Variants in SPPL3 observed in about 807,000 individuals in gnomAD.
SPPL3 encodes the protein signal peptide peptidase like 3, also known as signal peptide peptidase-like 3.
Under a neutral mutation model 42.4 loss-of-function variants are expected in SPPL3, and 5 were observed. The ratio of observed to expected loss-of-function variants is 0.12; its 90% CI spans 0.06 to 0.25. The LOEUF (loss-of-function observed/expected upper bound fraction) is 0.25. Ranked by LOEUF, SPPL3 falls within the 10% of genes least tolerant of loss-of-function variation. SPPL3 has a pLI of 1.00. For synonymous variants in SPPL3, 195 were observed against 181.8 expected (o/e 1.07, Z -0.58); for missense variants, 235 against 489.0 (o/e 0.48, Z 4.90).
intron 1 of SPPL3, among the ~76,000 whole-genome samples, chr12:120,848,733 G>C (rs1209981393): frequency 6.6e-6 from 1 of 152,092 alleles, no homozygotes; most frequent in Non-Finnish European, 1.5e-5. Context: ...GTTACAAAAG[G>C]AAAGGTTAGA....
intron 1 of SPPL3, among the ~76,000 whole-genome samples, chr12:120,849,366 A>G (rs1013667136): frequency 7.2e-5 from 11 of 152,154 alleles, no homozygotes; most frequent in Admixed American, 2.0e-4. Flanking sequence ...AGTTGTAGCC[A>G]ACTGGCAACA....
chr12:120,845,344 C>T, intron 1 of SPPL3: 1 of 357,614 alleles, frequency 2.8e-6, no homozygotes, highest in East Asian at 7.6e-5. Flanking sequence ...GAACTCCTCG[C>T]AGGCCTCAAT....
chr12:120,879,106 T>A (rs1873200652), intron 1 of SPPL3, among the ~76,000 whole-genome samples: 1 of 92,660 alleles, frequency 1.1e-5, no homozygotes. Context: ...AGAGCAAAAC[T>A]CTGTCTCAAA....
intron 2 of SPPL3, among the ~76,000 whole-genome samples, chr12:120,801,941 A>T (rs1394812646): frequency 6.6e-6 from 1 of 152,192 alleles, no homozygotes; most frequent in Non-Finnish European, 1.5e-5. Flanking sequence ...ATTTCACATG[A>T]AGTTTATTAC....
At chr12:120,810,954 G>A (rs1273514508) in intron 1 of SPPL3, 68 bp from the exon 2 acceptor site, 3 of 1,188,134 alleles carry the variant, frequency 2.5e-6, no homozygotes, top group Admixed American at 1.9e-5. Context: ...ACAGTCTAAT[G>A]GAGTTCTATA....
intron 1 of SPPL3, among the ~76,000 whole-genome samples, chr12:120,880,831 T>C (rs946584783): frequency 2.6e-5 from 4 of 151,556 alleles, no homozygotes; most frequent in Non-Finnish European, 5.9e-5. Context: ...TGATAAGGGA[T>C]TGATATCCAG....
chr12:120,806,852 A>AG (rs1202411316), intron 2 of SPPL3, among the ~76,000 whole-genome samples: 50 of 91,314 alleles, frequency 5.5e-4, no homozygotes, highest in African/African-American at 1.7e-3. Flanking sequence ...ATTAAAAAAA[A>AG]AAAAGAAAGA....
At chr12:120,785,089 A>G (rs1869672254) in intron 3 of SPPL3, among the ~76,000 whole-genome samples, 2 of 152,172 alleles carry the variant, frequency 1.3e-5, no homozygotes, top group African/African-American at 4.8e-5. Context: ...AACAAGTCAT[A>G]GCTGAAAACA....
intron 1 of SPPL3, among the ~76,000 whole-genome samples, chr12:120,871,810 CA>C (rs1872940368): frequency 3.3e-5 from 5 of 152,082 alleles, no homozygotes; most frequent in Admixed American, 2.0e-4. Context: ...CATATCCTTC[CA>C]TATACTTTAA....
chr12:120,812,292 T>C (rs1208838128), intron 1 of SPPL3, among the ~76,000 whole-genome samples: 2 of 151,998 alleles, frequency 1.3e-5, no homozygotes. Flanking sequence ...GCACCACACC[T>C]GGCTAATTTT....
At chr12:120,807,243 A>G (rs746918935) in intron 2 of SPPL3, among the ~76,000 whole-genome samples, 9 of 152,182 alleles carry the variant, frequency 5.9e-5, no homozygotes, top group Admixed American at 3.3e-4. Flanking sequence ...TTACTACTAG[A>G]ATGGCTATAA....
chr12:120,789,956 T>C (rs1234012788), intron 3 of SPPL3, among the ~76,000 whole-genome samples: 1 of 152,064 alleles, frequency 6.6e-6, no homozygotes, highest in African/African-American at 2.4e-5. Context: ...TATAGGTAGA[T>C]TTCTTTAGGT....
intron 2 of SPPL3, among the ~76,000 whole-genome samples, chr12:120,797,551 C>CT (rs1361241875): frequency 1.3e-5 from 2 of 152,104 alleles, no homozygotes; most frequent in Non-Finnish European, 1.5e-5. Context: ...AATTCAGTCT[C>CT]TGTTTCTCTA....
intron 1 of SPPL3, among the ~76,000 whole-genome samples, chr12:120,899,532 ATAGT>A (rs1372553974): frequency 6.6e-6 from 1 of 152,166 alleles, no homozygotes; most frequent in African/African-American, 2.4e-5. Flanking sequence ...AGTTTACAAT[ATAGT>A]TAGATTAGGC....
chr12:120,892,907 G>A (rs553866792), intron 1 of SPPL3, among the ~76,000 whole-genome samples: 13 of 147,194 alleles, frequency 8.8e-5, no homozygotes, highest in South Asian at 2.2e-4. Context: ...GCGTGAACCC[G>A]GTAGGCAGAG....
intron 2 of SPPL3, among the ~76,000 whole-genome samples, chr12:120,798,492 T>G (rs1431784952): frequency 1.3e-5 from 2 of 152,202 alleles, no homozygotes; most frequent in Non-Finnish European, 2.9e-5. Context: ...ATGGTTTCAC[T>G]TCTATGATCT....
intron 2 of SPPL3, among the ~76,000 whole-genome samples, chr12:120,795,216 G>A (rs1482324354): frequency 2.0e-5 from 3 of 152,024 alleles, no homozygotes; most frequent in Non-Finnish European, 2.9e-5. Context: ...CAAGTAGCTG[G>A]GATTACAGGT....
rs7311911 is a variant in SPPL3, at chr12:120,894,185, G to A, written c.23+9660C>T. Reference sequence around the variant, plus strand: ...ACTAAAAATACAAAATTAGCTGGGCGTGGTGGCGCATGCCCGTTATCCCAG... The same window carrying A: ...ACTAAAAATACAAAATTAGCTGGGCATGGTGGCGCATGCCCGTTATCCCAG... On this transcript the variant is annotated intron_variant, in intron 1 of 10. Transcript: ENST00000353487. Among the ~76,000 whole-genome samples, 527 of 152,242 alleles carry A rather than the reference G, an allele frequency of 3.5e-3. 2 individuals carry two copies. Among genetic ancestry groups the A allele is most frequent in the African/African-American group, 0.012 (497 of 41,546 alleles).
intron 1 of SPPL3, among the ~76,000 whole-genome samples, chr12:120,884,708 T>A (rs1418397009): frequency 1.3e-5 from 2 of 151,746 alleles, no homozygotes; most frequent in African/African-American, 2.4e-5. Flanking sequence ...TTTTCACCAA[T>A]AAAATATGGT....
Sources: gnomAD v4.1 joint callset for allele counts (sites outside exome capture counted in the v4.1 genomes callset) on GRCh38, gnomAD v4.1.1 for gene constraint, MANE v1.5 for transcripts, NCBI Gene and HGNC (gene_info 2026-07-23, HGNC 2026-07-21) for gene names.